The following DPH6 variants were observed in gnomAD, a reference collection of about 807,000 sequenced individuals.
DPH6 encodes the protein diphthamine biosynthesis 6, also known as diphthine--ammonia ligase.
A neutral mutation model predicts 38.2 loss-of-function variants in DPH6; 33 were observed. That is an observed-to-expected ratio of 0.86 (90% CI 0.65 to 1.15). The LOEUF (loss-of-function observed/expected upper bound fraction) is 1.15. Among genes scored for constraint, DPH6 ranks in the 50% most tolerant of loss-of-function variants. DPH6 has a pLI of 0.00. For synonymous variants in DPH6, 108 were observed against 103.0 expected (o/e 1.05, Z -0.30); for missense variants, 325 against 320.0 (o/e 1.02, Z -0.12).
At chr15:35,483,849 G>A (rs969424421) in intron 3 of DPH6, among the ~76,000 whole-genome samples, 3 of 152,128 alleles carry the variant, frequency 2.0e-5, no homozygotes, top group Non-Finnish European at 4.4e-5. Context: ...ATACTATTCA[G>A]CAATAAAAAG....
At chr15:35,328,798 G>C (rs1346111373), downstream of DPH6, among the ~76,000 whole-genome samples, 1 of 152,178 alleles carries the variant, frequency 6.6e-6, no homozygotes, top group Non-Finnish European at 1.5e-5. Context: ...AGTTGCCAGA[G>C]ACTGGGCAGT....
chr15:35,323,480 C>T (rs965163914), intron 3 of DPH6, among the ~76,000 whole-genome samples: 2 of 152,032 alleles, frequency 1.3e-5, no homozygotes, highest in African/African-American at 4.8e-5. Flanking sequence ...AAAATCTGAA[C>T]AGTAGAGGTG....
intron 4 of DPH6, among the ~76,000 whole-genome samples, chr15:35,452,627 T>C (rs1449552374): frequency 1.3e-5 from 2 of 152,186 alleles, no homozygotes; most frequent in African/African-American, 2.4e-5. Flanking sequence ...AACCAAAACC[T>C]TCCTCATTGC....
intron 5 of DPH6, among the ~76,000 whole-genome samples, chr15:35,438,810 T>C (rs1231330845): frequency 2.0e-5 from 3 of 152,224 alleles, no homozygotes; most frequent in Non-Finnish European, 4.4e-5. Context: ...CCTTGGAGAT[T>C]ACTGGTAAAA....
chr15:35,420,964 C>T (rs981139932), intron 5 of DPH6, among the ~76,000 whole-genome samples: 3 of 152,092 alleles, frequency 2.0e-5, no homozygotes, highest in African/African-American at 7.2e-5. Context: ...TCATAAGACA[C>T]TACTTATAAA....
intron 3 of DPH6, among the ~76,000 whole-genome samples, chr15:35,318,434 T>C (rs1311679554): frequency 6.6e-6 from 1 of 152,104 alleles, no homozygotes; most frequent in East Asian, 1.9e-4. Flanking sequence ...ATATAGAAGA[T>C]CTAAAGAAAA....
At chr15:35,265,303 C>T (rs894575860) in intron 3 of DPH6, among the ~76,000 whole-genome samples, 2 of 152,084 alleles carry the variant, frequency 1.3e-5, no homozygotes, top group African/African-American at 4.8e-5. Flanking sequence ...ACTTTCAGCC[C>T]GGCCACAAAA....
At chr15:35,190,294 C>T in the DPH6 span, among the ~76,000 whole-genome samples, 10 of 152,226 alleles carry the variant, frequency 6.6e-5, no homozygotes, top group Non-Finnish European at 2.9e-5. Flanking sequence ...GTTTAATTCA[C>T]GCAGAGCCAG....
intron 3 of DPH6, among the ~76,000 whole-genome samples, chr15:35,350,256 C>A (rs1379584522): frequency 6.7e-6 from 1 of 148,874 alleles, no homozygotes; most frequent in African/African-American, 2.5e-5. Context: ...CTCTTGTGAT[C>A]ATTTGTATTT....
the DPH6 span, among the ~76,000 whole-genome samples, chr15:35,150,278 A>G: frequency 6.6e-6 from 1 of 152,338 alleles, no homozygotes; most frequent in Non-Finnish European, 1.5e-5. Flanking sequence ...TTATAACTAG[A>G]AAATAAGGAA....
At chr15:35,474,999 G>C (rs2054247297) in intron 3 of DPH6, among the ~76,000 whole-genome samples, 1 of 151,728 alleles carries the variant, frequency 6.6e-6, no homozygotes, top group Non-Finnish European at 1.5e-5. Flanking sequence ...GGAAAAAAAA[G>C]CTTAAACAAC....
chr15:35,397,165 T>C (rs1194491204), intron 6 of DPH6, among the ~76,000 whole-genome samples: 1 of 152,220 alleles, frequency 6.6e-6, no homozygotes, highest in Non-Finnish European at 1.5e-5. Context: ...CTAAGTTGCA[T>C]TTATCCAGGT....
chr15:35,419,166 T>A (rs2053473950), intron 5 of DPH6, among the ~76,000 whole-genome samples: 1 of 151,910 alleles, frequency 6.6e-6, no homozygotes, highest in South Asian at 2.1e-4. Context: ...TTTTTAAAAC[T>A]CGAATTGTTT....
At chr15:35,488,765 G>A (rs868785576) in intron 3 of DPH6, among the ~76,000 whole-genome samples, 27 of 152,194 alleles carry the variant, frequency 1.8e-4, no homozygotes, top group Admixed American at 5.9e-4. Context: ...TAAAAGAGAC[G>A]AAAATGATGA....
At chr15:35,176,641 T>C in the DPH6 span, among the ~76,000 whole-genome samples, 2 of 152,106 alleles carry the variant, frequency 1.3e-5, no homozygotes, top group Non-Finnish European at 2.9e-5. Context: ...CTGGCTAATT[T>C]TGTATTTTTA....
chr15:35,214,720 G>A (rs1000966104), downstream of DPH6, among the ~76,000 whole-genome samples: 4 of 152,104 alleles, frequency 2.6e-5, no homozygotes, highest in Admixed American at 6.5e-5. Context: ...TGATTCTCCT[G>A]CCTCAGACTA....
chr15:35,153,566 G>C, the DPH6 span, among the ~76,000 whole-genome samples: 26 of 152,268 alleles, frequency 1.7e-4, no homozygotes, highest in Admixed American at 1.4e-3. Flanking sequence ...AAGAAGCATG[G>C]AGCTTGTGAA....
At chr15:35,326,027 A>G (rs1364666623), downstream of DPH6, among the ~76,000 whole-genome samples, 4 of 152,186 alleles carry the variant, frequency 2.6e-5, no homozygotes. Context: ...GAATAGAAAA[A>G]ATTTTAAAAA....
intron 5 of DPH6, among the ~76,000 whole-genome samples, chr15:35,428,855 T>G (rs1481792910): frequency 6.6e-6 from 1 of 152,150 alleles, no homozygotes; most frequent in Non-Finnish European, 1.5e-5. Flanking sequence ...ACTCACCGAA[T>G]TACATTTGTT....
Sources: gnomAD v4.1 joint callset for allele counts (sites outside exome capture counted in the v4.1 genomes callset) on GRCh38, gnomAD v4.1.1 for gene constraint, MANE v1.5 for transcripts, NCBI Gene and HGNC (gene_info 2026-07-23, HGNC 2026-07-21) for gene names.